The following KLHL14 variants were observed in gnomAD, a reference collection of about 807,000 sequenced individuals.
KLHL14 encodes kelch like family member 14.
A neutral mutation model predicts 64.3 loss-of-function variants in KLHL14; 22 were observed. The observed-to-expected ratio is 0.34, with a 90% CI of 0.24 to 0.49. The LOEUF (loss-of-function observed/expected upper bound fraction) is 0.49. KLHL14 is among the 20% of genes least tolerant of loss of function. The pLI is 0.99. For missense variants in KLHL14, 661 were observed against 789.0 expected, an observed-to-expected ratio of 0.84 and a Z score of 1.94; for synonymous variants, 322 against 333.4, an observed-to-expected ratio of 0.97 and a Z score of 0.37.
chr18:32,729,327 G>A (rs1228841120), intron 3 of KLHL14, among the ~76,000 whole-genome samples: 1 of 152,060 alleles, frequency 6.6e-6, no homozygotes, highest in Admixed American at 6.6e-5. Context: ...TTGCCACAGG[G>A]GGTTACTTAA....
intron 3 of KLHL14, among the ~76,000 whole-genome samples, chr18:32,720,816 G>A (rs867002235): frequency 2.6e-5 from 4 of 152,292 alleles, no homozygotes; most frequent in East Asian, 1.9e-4. Context: ...CTACAAGTAC[G>A]AAATGAATGT....
intron 3 of KLHL14, 111 bp downstream of exon 3, chr18:32,741,817 G>C: frequency 8.1e-7 from 1 of 1,240,276 alleles, no homozygotes; most frequent in Non-Finnish European, 1.1e-6. Context: ...CTCCAAAGGG[G>C]AACAAATCAA....
intron 3 of KLHL14, among the ~76,000 whole-genome samples, chr18:32,723,666 T>C (rs9951265): frequency 0.29 from 44,820 of 152,018 alleles, 6,863 homozygotes; most frequent in African/African-American, 0.37. Context: ...ATCCCCATTG[T>C]GTTGATGAGA....
rs867129928 is a variant in KLHL14 at position 32,693,425 on chromosome 18, G to C, written c.1159+2038C>G. Reference sequence around the variant, plus strand: ...ACACACACACACACAGAGAGAGAGAGAGAGAGAGAGAGAGAGAGAGAGAGA... The same window carrying C: ...ACACACACACACACAGAGAGAGAGACAGAGAGAGAGAGAGAGAGAGAGAGA... On this transcript the variant is annotated intron_variant, in intron 4 of 8. Coordinates refer to ENST00000359358, the MANE Select transcript of KLHL14 (RefSeq NM_020805.3). 5.9e-3 allele frequency among the ~76,000 whole-genome samples: 864 copies of C among 146,620 alleles called. 4 individuals are homozygous for C. The highest frequency in any genetic ancestry group is 8.1e-3 in the African/African-American group (308 of 38,090).
chr18:32,713,490 A>C (rs2050030559), intron 3 of KLHL14, among the ~76,000 whole-genome samples: 1 of 152,166 alleles, frequency 6.6e-6, no homozygotes, highest in Non-Finnish European at 1.5e-5. Flanking sequence ...ATGGTGGCTC[A>C]CACCCATAAT....
chr18:32,693,997 T>TG lies in KLHL14; in HGVS notation c.1159+1465_1159+1466insC, dbSNP rs1003789584. ...TGTTTTGTTTTGTTTTGTTTTGTTT[T>TG]TTTGCATATGCCTCTGGAACAGGTT... On this transcript the variant is annotated intron_variant, in intron 4 of 8. Transcript: ENST00000359358. Among the ~76,000 whole-genome samples the TG allele has an allele frequency of 1.7e-4, 26 of 152,152 alleles. 2 individuals are homozygous for TG. The highest frequency in any genetic ancestry group is 3.4e-4 in the Non-Finnish European group (23 of 67,976).
chr18:32,693,811 A>G (rs1474897471), intron 4 of KLHL14, among the ~76,000 whole-genome samples: 1 of 152,192 alleles, frequency 6.6e-6, no homozygotes, highest in Non-Finnish European at 1.5e-5. Flanking sequence ...ATCCAACAGC[A>G]TGATTTTATG....
At chr18:32,676,948 G>T (rs2049814086) in intron 8 of KLHL14, among the ~76,000 whole-genome samples, 1 of 152,138 alleles carries the variant, frequency 6.6e-6, no homozygotes, top group Non-Finnish European at 1.5e-5. Flanking sequence ...ATAGAGACAG[G>T]AGAGAAGGGA....
intron 2 of KLHL14, among the ~76,000 whole-genome samples, chr18:32,762,227 G>C (rs2050318193): frequency 6.6e-6 from 1 of 151,898 alleles, no homozygotes; most frequent in Admixed American, 6.6e-5. Flanking sequence ...TTCTTTTGAG[G>C]ACTGACTTTT....
Position 32,673,099 on chromosome 18 carries a change from T to C in KLHL14, c.*1558A>G, listed in dbSNP as rs1360905596. On this transcript the variant is annotated 3_prime_UTR_variant, in exon 9 of 9. Coordinates refer to ENST00000359358, the MANE Select transcript of KLHL14 (RefSeq NM_020805.3). ...CACTGGATATACATATATTTATATA[T>C]ATATATTTTTACAACGGATCCTTTG... is the stretch of plus-strand genomic sequence containing the variant. 1 of 152,466 alleles carries C rather than the reference T, an allele frequency of 6.6e-6. No individual in the cohort carries two copies. Among genetic ancestry groups the C allele is most frequent in the Non-Finnish European group, 1.5e-5 (1 of 68,006 alleles). 9.4% of individuals were successfully genotyped at this position (152,466 alleles called of 1,614,324 possible).
intron 4 of KLHL14, among the ~76,000 whole-genome samples, chr18:32,693,759 A>T (rs1456247690): frequency 1.3e-5 from 2 of 152,130 alleles, no homozygotes; most frequent in African/African-American, 4.8e-5. Context: ...TTTAAACCCA[A>T]CTGCTGTTCC....
intron 3 of KLHL14, among the ~76,000 whole-genome samples, chr18:32,739,184 A>G (rs2050182357): frequency 6.6e-6 from 1 of 152,156 alleles, no homozygotes; most frequent in African/African-American, 2.4e-5. Context: ...TTTAACTGTC[A>G]TCCTCACCTC....
At chr18:32,695,674 G>T in intron 3 of KLHL14, 122 bp from the exon 4 acceptor site, 1 of 657,722 alleles carries the variant, frequency 1.5e-6, no homozygotes, top group African/African-American at 1.8e-5. Flanking sequence ...AGAGGAAGAA[G>T]ATTGAACAGG....
At position 32,732,582 on chromosome 18, in the gene KLHL14, G is replaced by T. The variant is rs750618307; in HGVS notation, c.1069+9346C>A. ...TTCAGGGCAGAAATTTCAAGAGTCA[G>T]TGTGACATTTCCTCTTCTCTGCCAT... On this transcript the variant is annotated intron_variant, in intron 3 of 8. Coordinates refer to ENST00000359358, the MANE Select transcript of KLHL14 (RefSeq NM_020805.3). Among the ~76,000 whole-genome samples the T allele has an allele frequency of 2.6e-5, 4 of 152,290 alleles. No homozygotes were observed. In the East Asian group the frequency reaches 7.7e-4, roughly 29 times the overall value.
chr18:32,687,366 A>G lies in KLHL14; in HGVS notation c.1160-133T>C, dbSNP rs1250450356. 5.7e-6 allele frequency: 4 copies of G among 702,926 alleles called. No homozygotes were observed. In the South Asian group the frequency reaches 6.7e-5, roughly 12 times the overall value. The allele number at this position is 702,926 out of a possible 1,614,324, so 43.5% of individuals were successfully genotyped here. On this transcript the variant is annotated intron_variant, in intron 4 of 8. Coordinates refer to ENST00000359358, the MANE Select transcript of KLHL14 (RefSeq NM_020805.3). Reference sequence around the variant, plus strand: ...ATTAAGTAGAGGGAATACCTAACACAGCACGGGCGATGAGTCAATAGAAAA... The same window carrying G: ...ATTAAGTAGAGGGAATACCTAACACGGCACGGGCGATGAGTCAATAGAAAA...
chr18:32,687,160 C>T lies in KLHL14; in HGVS notation c.1233G>A (p.Gln411=). The T allele has an allele frequency of 1.2e-6, 2 of 1,612,820 alleles. No homozygotes were observed. Among genetic ancestry groups the T allele is most frequent in the South Asian group, 2.2e-5 (2 of 91,042 alleles). The part of the protein sequence containing the change: ...FNSWIQLPPM[Q]ERRASFYACR... ...TGCAAGAAATAAACACTTACCTTTC[C>T]TGCATGGGTGGAAGTTGAATCCAGC... Residue 411 remains glutamine (Q), a synonymous_variant, in exon 5 of 9, where the codon CAG becomes CAA. Coordinates refer to ENST00000359358, the MANE Select transcript of KLHL14 (RefSeq NM_020805.3).
intron 3 of KLHL14, among the ~76,000 whole-genome samples, chr18:32,707,656 C>G (rs1057018579): frequency 1.3e-5 from 2 of 152,224 alleles, no homozygotes; most frequent in African/African-American, 4.8e-5. Flanking sequence ...GCTGGAGTTT[C>G]TAACCAAGCT....
At chr18:32,687,653 A>AAAC (rs373247522) in intron 4 of KLHL14, among the ~76,000 whole-genome samples, 203 of 152,292 alleles carry the variant, frequency 1.3e-3, no homozygotes, top group African/African-American at 4.2e-3. Context: ...GCCATTTAAA[A>AAAC]AACAACAACA....
intron 3 of KLHL14, among the ~76,000 whole-genome samples, chr18:32,723,659 C>G (rs1220402509): frequency 6.6e-6 from 1 of 152,082 alleles, no homozygotes; most frequent in Admixed American, 6.5e-5. Context: ...CATTACTATC[C>G]CCATTGTGTT....
Sources: allele counts gnomAD v4.1 joint callset (sites outside exome capture counted in the v4.1 genomes callset), GRCh38; gene constraint gnomAD v4.1.1; transcripts MANE v1.5; gene names NCBI Gene and HGNC (gene_info 2026-07-23, HGNC 2026-07-21).